The following CSF2RB variants were observed in gnomAD, a reference collection of about 807,000 sequenced individuals.
The protein encoded by CSF2RB is colony stimulating factor 2 receptor subunit beta, also known as cytokine receptor common subunit beta.
Under a neutral mutation model 67.2 loss-of-function variants are expected in CSF2RB, and 22 were observed. The ratio of observed to expected loss-of-function variants is 0.33; its 90% CI spans 0.23 to 0.47. The LOEUF is 0.47. CSF2RB is among the 20% of genes least tolerant of loss of function. The pLI, the probability that CSF2RB is intolerant of heterozygous loss-of-function variation, is 1.00. For missense variants in CSF2RB, 1,113 were observed against 1,174.5 expected (o/e 0.95, Z 0.76); for synonymous variants, 507 against 482.9 (o/e 1.05, Z -0.65).
Position 36,922,141 on chromosome 22 carries a change from A to G in CSF2RB, c.-67A>G. Reference sequence around the variant, plus strand: ...AACACAGGACTTCAGGACACTAAGGACCCTGTCATGCCCATGGCCAGCACC... The same window carrying G: ...AACACAGGACTTCAGGACACTAAGGGCCCTGTCATGCCCATGGCCAGCACC... On this transcript the variant is annotated 5_prime_UTR_variant, in exon 2 of 14. Coordinates refer to ENST00000403662, the MANE Select transcript of CSF2RB (RefSeq NM_000395.3). 1 of 1,424,118 alleles carries G rather than the reference A, an allele frequency of 7.0e-7. No individual in the cohort carries two copies. The highest frequency in any genetic ancestry group is 9.6e-7 in the Non-Finnish European group (1 of 1,038,024). 88.2% of individuals were successfully genotyped at this position (1,424,118 alleles called of 1,614,324 possible). A position where few individuals can be genotyped will look rare whatever the true frequency, so the allele number is the denominator to read the frequency against.
At chr22:36,924,378 C>A (rs1265788216) in intron 3 of CSF2RB, among the ~76,000 whole-genome samples, 1 of 152,026 alleles carries the variant, frequency 6.6e-6, no homozygotes, top group African/African-American at 2.4e-5. Context: ...TCACGGCCCC[C>A]AAGTCCCCAC....
intron 1 of CSF2RB, among the ~76,000 whole-genome samples, chr22:36,917,085 C>T (rs1001258006): frequency 2.6e-5 from 4 of 152,146 alleles, no homozygotes; most frequent in Non-Finnish European, 4.4e-5. Flanking sequence ...CCAACGTTTC[C>T]GCCACTGCTT....
chr22:36,921,995 G>A, intron 1 of CSF2RB, 41 bp from the exon 2 acceptor site: 1 of 599,808 alleles, frequency 1.7e-6, no homozygotes, highest in Admixed American at 2.8e-5. Flanking sequence ...GGGACACGTG[G>A]AAGGGGAGGG....
rs1840176038 is a variant in CSF2RB, at chr22:36,936,624, T to C, written c.1540T>C (p.Trp514Arg). The change falls in exon 13 of 14, where the codon TGG (tryptophan) becomes CGG (arginine). Residue 514 changes from tryptophan to arginine, a missense_variant. Transcript: ENST00000403662. ...TSGSPPHQGP[W>R]GSRFPELEGV... Reference sequence around the variant, plus strand: ...CGGGAGTCCCCCACACCAGGGGCCGTGGGGCAGCCGCTTCCCTGAGCTGGA... The same window carrying C: ...CGGGAGTCCCCCACACCAGGGGCCGCGGGGCAGCCGCTTCCCTGAGCTGGA... The C allele has an allele frequency of 1.2e-6, 2 of 1,613,498 alleles. No individual in the cohort carries two copies. The highest frequency in any genetic ancestry group is 1.7e-6 in the Non-Finnish European group (2 of 1,179,930).
At chr22:36,933,520 G>A (rs890047284) in intron 9 of CSF2RB, among the ~76,000 whole-genome samples, 1 of 152,214 alleles carries the variant, frequency 6.6e-6, no homozygotes, top group African/African-American at 2.4e-5. Context: ...CCACAATATG[G>A]GTGCAAGCTG....
intron 8 of CSF2RB, among the ~76,000 whole-genome samples, chr22:36,931,596 T>C (rs1316736297): frequency 6.6e-6 from 1 of 152,230 alleles, no homozygotes; most frequent in Non-Finnish European, 1.5e-5. Flanking sequence ...CATTCTCTTT[T>C]TTCTTTTGGG....
In CSF2RB at chr22:36,933,858, C is replaced by G. The variant is rs2229173; in HGVS notation, c.1179C>G (p.Asn393Lys). 6.2e-7 allele frequency: 1 copy of G among 1,609,936 alleles called. No individual in the cohort carries two copies. Among genetic ancestry groups the G allele is most frequent in the Non-Finnish European group, 8.5e-7 (1 of 1,179,798 alleles). ...ACAGCAAGACCGAGACCCTCCAGAA[C>G]GCCCACAGCATGGCCCTGCCAGCCC... ...WKDSKTETLQ[N>K]AHSMALPALE... Residue 393 changes from asparagine (N) to lysine (K), a missense_variant, in exon 10 of 14, where the codon AAC becomes AAG. By Grantham distance (94) the Asn-to-Lys change is moderately conservative. Transcript: ENST00000403662.
chr22:36,924,041 G>T (rs1180814789), intron 3 of CSF2RB, among the ~76,000 whole-genome samples: 1 of 152,136 alleles, frequency 6.6e-6, no homozygotes, highest in Non-Finnish European at 1.5e-5. Context: ...TTAAATAGCT[G>T]GAACCAGAGA....
At chr22:36,934,144 G>T in intron 10 of CSF2RB, 150 bp downstream of exon 10, 2 of 1,147,932 alleles carry the variant, frequency 1.7e-6, no homozygotes, top group Non-Finnish European at 2.5e-6. Context: ...AAGAGAAAGG[G>T]AAGGCCTTTG....
rs377111947 is a variant in CSF2RB at position 36,937,978 on chromosome 22, G to C, written c.2170G>C (p.Gly724Arg). 5.0e-5 allele frequency: 80 copies of C among 1,614,002 alleles called. No homozygotes were observed. Among genetic ancestry groups the C allele is most frequent in the Admixed American group, 4.8e-4 (29 of 60,008 alleles). The stretch of plus-strand genomic sequence containing the variant: ...AGACCTGGTATTCACCCCAAACTCA[G>C]GGGCCTCGTCTGTCTCCCTAGTTCC... ...SADLVFTPNS[G>R]ASSVSLVPSL... Residue 724 changes from glycine to arginine, a missense_variant, in exon 14 of 14, where the codon GGG (glycine) becomes CGG (arginine). Gly to Arg is a moderately radical substitution (Grantham distance 125). Around this residue, in one of 2 missense-constraint regions of CSF2RB, gnomAD observed 554 missense variants for 517.9 expected, o/e 1.07. Coordinates refer to ENST00000403662, the MANE Select transcript of CSF2RB (RefSeq NM_000395.3). This position sits in a 1 kb window ranked among gnomAD's most constrained non-coding sequence, Gnocchi z 4.6.
intron 8 of CSF2RB, among the ~76,000 whole-genome samples, chr22:36,931,186 C>A (rs1361427459): frequency 6.6e-6 from 1 of 152,196 alleles, no homozygotes; most frequent in Non-Finnish European, 1.5e-5. Context: ...AATTCCCCAC[C>A]GACTGATATT....
chr22:36,937,647 G>A lies in CSF2RB; in HGVS notation c.1839G>A (p.Gln613=), dbSNP rs547702887. The A allele has an allele frequency of 3.3e-5, 51 of 1,556,698 alleles. No homozygotes were observed. The highest frequency in any genetic ancestry group is 1.4e-4 in the South Asian group (12 of 85,308). Residue 613 remains glutamine, a synonymous_variant, in exon 14 of 14, where the codon CAG becomes CAA. Coordinates refer to ENST00000403662, the MANE Select transcript of CSF2RB (RefSeq NM_000395.3). The surrounding 1 kb of genome is among the most constrained non-coding windows in gnomAD (Gnocchi z 4.6). ...TCCTGGGCCAGCCGGAGCCCCCACAGGAGGGTGGGAGCCAGAAGTCCCCAC... is the reference window on the plus strand; with the variant it reads ...TCCTGGGCCAGCCGGAGCCCCCACAAGAGGGTGGGAGCCAGAAGTCCCCAC... ...PDILGQPEPP[Q]EGGSQKSPPP... is the part of the protein sequence containing the mutation.
At chr22:36,934,584 A>C (rs370583367) in intron 10 of CSF2RB, among the ~76,000 whole-genome samples, 11 of 152,188 alleles carry the variant, frequency 7.2e-5, no homozygotes, top group African/African-American at 2.4e-4. Context: ...CTAGAGCCAC[A>C]GACTGGGTCC....
intron 4 of CSF2RB, among the ~76,000 whole-genome samples, chr22:36,928,836 G>A (rs1273643653): frequency 6.6e-6 from 1 of 152,222 alleles, no homozygotes; most frequent in African/African-American, 2.4e-5. Flanking sequence ...AGGGGAGGCA[G>A]ACACAGAAGC....
intron 2 of CSF2RB, 131 bp downstream of exon 2, chr22:36,922,414 CT>C (rs764396972): frequency 1.6e-5 from 13 of 804,538 alleles, no homozygotes; most frequent in Non-Finnish European, 2.7e-5. Context: ...GTCTCTCCCC[CT>C]GGCCTTCCCT....
rs1941010959 is a variant in CSF2RB at position 36,926,116 on chromosome 22, C to T, written c.330C>T (p.Tyr110=). 4 of 1,614,106 alleles carry T rather than the reference C, an allele frequency of 2.5e-6. No individual in the cohort carries two copies. The South Asian group carries it at 4.4e-5, about 18-fold the overall frequency. The change falls in exon 4 of 14, where the codon TAC becomes TAT. Residue 110 remains tyrosine, a synonymous_variant. Coordinates refer to ENST00000403662, the MANE Select transcript of CSF2RB (RefSeq NM_000395.3). The stretch of plus-strand genomic sequence containing the variant: ...GTTTTGTCGTCACTGACGTTGACTA[C>T]TTCTCATTCCAACCAGACAGGCCTC... ...CQSFVVTDVD[Y]FSFQPDRPLG...
At chr22:36,932,228 A>G (rs1268000316) in intron 8 of CSF2RB, among the ~76,000 whole-genome samples, 1 of 152,184 alleles carries the variant, frequency 6.6e-6, no homozygotes, top group Non-Finnish European at 1.5e-5. Flanking sequence ...TGAGGTCAGG[A>G]GCTCAAGACC....
chr22:36,932,832 A>G lies in CSF2RB; in HGVS notation c.1080A>G (p.Thr360=), dbSNP rs2145813360. Residue 360 remains threonine, a synonymous_variant, in exon 9 of 14, where the codon ACA becomes ACG. Transcript: ENST00000403662. ...ACAGCTACAGCCTGCGCTGGGAAAC[A>G]ATGAAAATGCGATACGAACACATAG... ...DGDSYSLRWE[T]MKMRYEHIDH... is the part of the protein sequence containing the mutation. 1 of 1,614,192 alleles carries G rather than the reference A, an allele frequency of 6.2e-7. No individual in the cohort carries two copies. The highest frequency in any genetic ancestry group is 8.5e-7 in the Non-Finnish European group (1 of 1,180,032).
At position 36,937,984 on chromosome 22, in the gene CSF2RB, T is replaced by G; in HGVS notation, c.2176T>G (p.Ser726Ala). Reference protein sequence around the residue: ...DLVFTPNSGASSVSLVPSLGL... With the variant: ...DLVFTPNSGAASVSLVPSLGL... ...GGTATTCACCCCAAACTCAGGGGCCTCGTCTGTCTCCCTAGTTCCCTCTCT... is the reference window on the plus strand; with the variant it reads ...GGTATTCACCCCAAACTCAGGGGCCGCGTCTGTCTCCCTAGTTCCCTCTCT... The change falls in exon 14 of 14, where the codon TCG becomes GCG. Residue 726 changes from serine to alanine, a missense_variant. Coordinates refer to ENST00000403662, the MANE Select transcript of CSF2RB (RefSeq NM_000395.3). This position sits in a 1 kb window ranked among gnomAD's most constrained non-coding sequence, Gnocchi z 4.6. The G allele has an allele frequency of 6.2e-7, 1 of 1,614,068 alleles. No homozygotes were observed. Among genetic ancestry groups the G allele is most frequent in the Non-Finnish European group, 8.5e-7 (1 of 1,179,980 alleles).
Sources: gnomAD v4.1 joint callset for allele counts (sites outside exome capture counted in the v4.1 genomes callset) on GRCh38, gnomAD v4.1.1 for gene constraint, gnomAD v4.1.1 regional missense constraint, Gnocchi (gnomAD v3.1) non-coding constraint, MANE v1.5 for transcripts, NCBI Gene and HGNC (gene_info 2026-07-23, HGNC 2026-07-21) for gene names.